The following ITGA8 variants were observed in gnomAD, a reference collection of about 807,000 sequenced individuals.
The protein encoded by ITGA8 is integrin alpha-8.
In ITGA8, 91 loss-of-function variants were observed where a neutral mutation model predicts 142.3. The ratio of observed to expected loss-of-function variants is 0.64; its 90% CI spans 0.54 to 0.76. The LOEUF (loss-of-function observed/expected upper bound fraction) is 0.76. Among genes scored for constraint, ITGA8 ranks in the 30% least tolerant of loss-of-function variants. ITGA8 has a pLI of 0.00. For synonymous variants in ITGA8, 505 were observed against 485.2 expected (o/e 1.04, Z -0.54); for missense variants, 1,406 against 1,327.7 (o/e 1.06, Z -0.92).
chr10:15,563,930 A>C (rs948930560), intron 25 of ITGA8, among the ~76,000 whole-genome samples: 4 of 152,108 alleles, frequency 2.6e-5, no homozygotes, highest in East Asian at 1.9e-4. Flanking sequence ...AAAAAAAAAA[A>C]AACAAAAACC....
intron 23 of ITGA8, among the ~76,000 whole-genome samples, chr10:15,586,049 ATTTT>A (rs59435924): frequency 0.025 from 1,929 of 76,570 alleles, 33 homozygotes; most frequent in African/African-American, 0.095. Context: ...GAATAAAGTG[ATTTT>A]TTTTTTTTTT....
intron 23 of ITGA8, among the ~76,000 whole-genome samples, chr10:15,583,605 C>T (rs1307678363): frequency 1.3e-4 from 20 of 152,134 alleles, no homozygotes; most frequent in Admixed American, 1.3e-3. Flanking sequence ...GTGGAAGAAG[C>T]CAGCACCATT....
chr10:15,566,375 C>A lies in ITGA8; in HGVS notation c.2637+5836G>T, dbSNP rs564471698. Reference sequence around the variant, plus strand: ...TCAGGATTATTTTCCTGAACTTGGGCCCCAAATGGTGTTCCATAGTCTTAA... The same window carrying A: ...TCAGGATTATTTTCCTGAACTTGGGACCCAAATGGTGTTCCATAGTCTTAA... On this transcript the variant is annotated intron_variant, in intron 25 of 29. Transcript: ENST00000378076. 7.2e-5 allele frequency among the ~76,000 whole-genome samples: 11 copies of A among 152,254 alleles called. 1 individual carries two copies. The highest frequency in any genetic ancestry group is 2.1e-4 in the South Asian group (1 of 4,820).
intron 11 of ITGA8, among the ~76,000 whole-genome samples, chr10:15,651,375 T>A (rs1000244628): frequency 6.6e-6 from 1 of 152,198 alleles, no homozygotes; most frequent in Non-Finnish European, 1.5e-5. Flanking sequence ...TTTTCAAAAC[T>A]GTCACAGGCT....
At chr10:15,526,263 G>T (rs377524644) in intron 28 of ITGA8, among the ~76,000 whole-genome samples, 11 of 151,460 alleles carry the variant, frequency 7.3e-5, no homozygotes, top group African/African-American at 2.4e-4. Context: ...CGCAACCTCC[G>T]CCTCCCAGGT....
intron 11 of ITGA8, among the ~76,000 whole-genome samples, chr10:15,652,913 G>A (rs1203501509): frequency 5.3e-5 from 8 of 152,192 alleles, no homozygotes; most frequent in Admixed American, 6.5e-5. Context: ...TGATAACAGC[G>A]AAGCCTGAGC....
intron 23 of ITGA8, among the ~76,000 whole-genome samples, chr10:15,582,300 C>T (rs1378669059): frequency 4.6e-5 from 7 of 152,090 alleles, no homozygotes; most frequent in African/African-American, 1.7e-4. Context: ...ATACAATTAG[C>T]TTATAATTAT....
intron 8 of ITGA8, among the ~76,000 whole-genome samples, chr10:15,663,722 T>C (rs1323133527): frequency 6.6e-6 from 1 of 151,998 alleles, no homozygotes; most frequent in Non-Finnish European, 1.5e-5. Flanking sequence ...TACAGGTGCA[T>C]GCCACCATGC....
intron 2 of ITGA8, among the ~76,000 whole-genome samples, chr10:15,718,289 T>C (rs1835490702): frequency 6.6e-6 from 1 of 152,194 alleles, no homozygotes. Flanking sequence ...AATTCTTTCT[T>C]TCTGTAAAGA....
chr10:15,646,802 T>C (rs141999004), intron 12 of ITGA8, 44 bp downstream of exon 12: 1 of 1,448,876 alleles, frequency 6.9e-7, no homozygotes, highest in East Asian at 2.3e-5. Context: ...CTTTATGCAG[T>C]GGTGACGACA....
intron 27 of ITGA8, among the ~76,000 whole-genome samples, chr10:15,532,733 A>G (rs577140766): frequency 2.2e-5 from 3 of 137,890 alleles, no homozygotes; most frequent in South Asian, 5.2e-4. Flanking sequence ...TTGAGACCCA[A>G]GTGTTAATCA....
intron 4 of ITGA8, among the ~76,000 whole-genome samples, chr10:15,680,166 A>G (rs1322221326): frequency 6.9e-6 from 1 of 144,244 alleles, no homozygotes; most frequent in African/African-American, 2.6e-5. Context: ...TCCTTTGGTC[A>G]TTAGTTAGCT....
intron 3 of ITGA8, among the ~76,000 whole-genome samples, 196 bp from the exon 4 acceptor site, chr10:15,684,323 T>C (rs1182890732): frequency 2.0e-5 from 3 of 152,054 alleles, no homozygotes; most frequent in Non-Finnish European, 4.4e-5. Context: ...CACTGTAGAA[T>C]TGGTGAAAAT....
In ITGA8 at chr10:15,548,520, G is replaced by A. The variant is rs377681222; in HGVS notation, c.2815C>T (p.Leu939Phe). The change falls in exon 27 of 30, where the codon CTC becomes TTC. Residue 939 changes from leucine (L) to phenylalanine (F), a missense_variant. Leu to Phe is a conservative substitution (Grantham distance 22). Transcript: ENST00000378076. The part of the protein sequence containing the change: ...CLQISCAVGR[L>F]EGGESAVLKV... ...AGGACTGCGCTTTCTCCTCCTTCGA[G>A]TCGTCCCACTGCACAGGAGATTTGT... 6.2e-7 allele frequency: 1 copy of A among 1,602,988 alleles called. No individual in the cohort carries two copies. Among genetic ancestry groups the A allele is most frequent in the Non-Finnish European group, 8.5e-7 (1 of 1,177,104 alleles).
chr10:15,685,271 T>G (rs1004201213), intron 3 of ITGA8, among the ~76,000 whole-genome samples: 2 of 152,188 alleles, frequency 1.3e-5, no homozygotes, highest in Admixed American at 1.3e-4. Flanking sequence ...TCCAAATTAT[T>G]TCATAAATGC....
intron 13 of ITGA8, 59 bp from the exon 14 acceptor site, chr10:15,616,618 T>C: frequency 7.0e-7 from 1 of 1,429,216 alleles, no homozygotes; most frequent in Non-Finnish European, 9.8e-7. Context: ...ATTTACTAAG[T>C]TCAAAATCGT....
chr10:15,694,156 A>C, intron 2 of ITGA8, among the ~76,000 whole-genome samples: 1 of 143,728 alleles, frequency 7.0e-6, no homozygotes, highest in Non-Finnish European at 1.5e-5. Flanking sequence ...CATATATCAG[A>C]TAATATATCA....
chr10:15,532,964 G>C (rs925205451), intron 27 of ITGA8, among the ~76,000 whole-genome samples: 20 of 152,262 alleles, frequency 1.3e-4, no homozygotes, highest in African/African-American at 4.6e-4. Context: ...GTGGGACCTG[G>C]CATCTCTTCC....
At chr10:15,534,061 C>G (rs1796264839) in intron 27 of ITGA8, among the ~76,000 whole-genome samples, 1 of 150,498 alleles carries the variant, frequency 6.6e-6, no homozygotes, top group Admixed American at 6.6e-5. Flanking sequence ...CAAGTACCAC[C>G]ATGCTTGGCT....
Sources: gnomAD v4.1 joint callset for allele counts (sites outside exome capture counted in the v4.1 genomes callset) on GRCh38, gnomAD v4.1.1 for gene constraint, MANE v1.5 for transcripts, NCBI Gene and HGNC (gene_info 2026-07-23, HGNC 2026-07-21) for gene names.